Variants in ERCC2 observed in about 807,000 individuals in gnomAD.
The protein encoded by ERCC2 is general transcription and DNA repair factor IIH helicase subunit XPD.
ERCC2 carries 90 observed loss-of-function variants against 99.4 expected under a neutral mutation model. The observed-to-expected ratio is 0.91, with a 90% CI of 0.76 to 1.08. The LOEUF is 1.08. ERCC2 is among the 50% of genes least tolerant of loss of function. The probability of loss-of-function intolerance (pLI) is 0.00; values close to 1 mark genes in which losing one functional copy is unlikely to be tolerated. For synonymous variants in ERCC2, 497 were observed against 432.4 expected (o/e 1.15, Z -1.85); for missense variants, 993 against 1,038.1 (o/e 0.96, Z 0.60).
intron 12 of ERCC2, among the ~76,000 whole-genome samples, chr19:45,360,373 C>G (rs1276675260): frequency 8.2e-6 from 1 of 122,686 alleles, no homozygotes; most frequent in Non-Finnish European, 1.6e-5. Context: ...TAAACCACCA[C>G]GCCCGGCCTT....
At position 45,363,924 on chromosome 19, in the gene ERCC2, G is replaced by T. The variant is rs886054498; in HGVS notation, c.950-13C>A. 1 of 1,539,198 alleles carries T rather than the reference G, an allele frequency of 6.5e-7. No homozygotes were observed. Reference sequence around the variant, plus strand: ...CCAGGCACTGCCTCTGCGAGGAGACGCTATCAGCGGCGACGGGGAGGCGGG... The same window carrying T: ...CCAGGCACTGCCTCTGCGAGGAGACTCTATCAGCGGCGACGGGGAGGCGGG... On this transcript the variant is annotated splice_polypyrimidine_tract_variant and intron_variant, in intron 10 of 22. Coordinates refer to ENST00000391945, the MANE Select transcript of ERCC2 (RefSeq NM_000400.4).
intron 15 of ERCC2, 105 bp from the exon 16 acceptor site, chr19:45,355,833 T>TA (rs1971994352): frequency 1.1e-5 from 8 of 695,878 alleles, no homozygotes; most frequent in South Asian, 6.4e-5. Flanking sequence ...TTTTTTTTTT[T>TA]AAAGAGAGAC....
chr19:45,358,768 A>G, intron 12 of ERCC2: 1 of 765,538 alleles, frequency 1.3e-6, no homozygotes, highest in Non-Finnish European at 2.4e-6. Context: ...ATTTTTTTTC[A>G]TGATAACTGT....
intron 5 of ERCC2, 52 bp downstream of exon 5, chr19:45,368,578 A>G: frequency 8.0e-7 from 1 of 1,246,112 alleles, no homozygotes; most frequent in African/African-American, 1.5e-5. Flanking sequence ...GTTGGACGAA[A>G]GAGTTTTCTC....
intron 17 of ERCC2, 50 bp from the exon 18 acceptor site, chr19:45,353,384 T>C: frequency 7.7e-7 from 1 of 1,300,238 alleles, no homozygotes; most frequent in South Asian, 1.2e-5. Context: ...ACAGCCATCC[T>C]GGTTACATCC....
chr19:45,357,249 G>C, intron 15 of ERCC2, 21 bp downstream of exon 15: 1 of 1,588,230 alleles, frequency 6.3e-7, no homozygotes, highest in South Asian at 1.1e-5. Flanking sequence ...CCCGGCCCCA[G>C]CCCTAGCCTC....
rs985262922 is a variant in ERCC2, at chr19:45,353,439, C to G, written c.1666-105G>C. The stretch of plus-strand genomic sequence containing the variant: ...ACATCACCATGTCTCTGGGCCTCAG[C>G]TGGCTCATCTGAGATGTGGTGAGGG... On this transcript the variant is annotated intron_variant, in intron 17 of 22. Transcript: ENST00000391945. 30 of 761,754 alleles carry G rather than the reference C, an allele frequency of 3.9e-5. No individual in the cohort carries two copies. In the Admixed American group the frequency reaches 5.0e-4, roughly 13 times the overall value. The allele number at this position is 761,754 out of a possible 1,614,324, so 47.2% of individuals were successfully genotyped here.
chr19:45,357,857 C>A, intron 12 of ERCC2, 158 bp from the exon 13 acceptor site: 1 of 713,634 alleles, frequency 1.4e-6, no homozygotes. Context: ...AGCCCCAAAC[C>A]AGGCATCTGA....
At chr19:45,361,098 TCC>T in intron 12 of ERCC2, among the ~76,000 whole-genome samples, 1 of 146,174 alleles carries the variant, frequency 6.8e-6, no homozygotes, top group Admixed American at 7.0e-5. Context: ...ACCACTGCAC[TCC>T]AGCCTGGCAA....
Position 45,351,459 on chromosome 19 carries a change from T to C in ERCC2, c.*170A>G. The C allele has an allele frequency of 6.3e-7, 1 of 1,582,746 alleles. No individual in the cohort carries two copies. On this transcript the variant is annotated 3_prime_UTR_variant, in exon 23 of 23. Transcript: ENST00000391945. The stretch of plus-strand genomic sequence containing the variant: ...TATCATCTCCTGGCCCCCCCTTGCC[T>C]CTGGGTACCTGGTGGATAGCTGCCT...
At chr19:45,352,969 CTG>C (rs1265054527) in intron 19 of ERCC2, 112 bp downstream of exon 19, 5 of 1,277,706 alleles carry the variant, frequency 3.9e-6, no homozygotes, top group Admixed American at 1.7e-5. Context: ...GAGGGCCCCT[CTG>C]TGCACCTAGG....
rs768954113 is a variant in ERCC2, at chr19:45,364,425, A to T, written c.717T>A (p.Ile239=). ...AVVVFDEAHN[I]DNVCIDSMSV... Reference sequence around the variant, plus strand: ...TTTGGCCCCTGGCGCCCCCCTCACCAATGTTGTGGGCCTCGTCGAAGACCA... The same window carrying T: ...TTTGGCCCCTGGCGCCCCCCTCACCTATGTTGTGGGCCTCGTCGAAGACCA... Residue 239 remains isoleucine, a splice_region_variant and synonymous_variant, in exon 8 of 23, where the codon ATT becomes ATA. Transcript: ENST00000391945. 1.2e-5 allele frequency: 20 copies of T among 1,613,774 alleles called. No homozygotes were observed. In the Admixed American group the frequency reaches 3.2e-4, roughly 26 times the overall value.
At chr19:45,370,340 G>C in intron 1 of ERCC2, 108 bp from the exon 2 acceptor site, 1 of 1,540,298 alleles carries the variant, frequency 6.5e-7, no homozygotes, top group Non-Finnish European at 8.8e-7. Context: ...GGCGCCCCCG[G>C]TAACCCTCAG....
rs1207437927 is a variant in ERCC2, at chr19:45,350,214, G to A, written c.*1415C>T. 3 of 684,474 alleles carry A rather than the reference G, an allele frequency of 4.4e-6. No homozygotes were observed. The highest frequency in any genetic ancestry group is 7.4e-6 in the Non-Finnish European group (3 of 406,058). The allele number at this position is 684,474 out of a possible 1,614,324, so 42.4% of individuals were successfully genotyped here. ...AGGCAGGAGGATCACTTGAGGCTAG[G>A]AGTTCAAGACCAGCCTGGGCAACAT... On this transcript the variant is annotated 3_prime_UTR_variant, in exon 23 of 23. Coordinates refer to ENST00000391945, the MANE Select transcript of ERCC2 (RefSeq NM_000400.4).
chr19:45,355,396 G>A (rs532763718), intron 16 of ERCC2, among the ~76,000 whole-genome samples: 16 of 152,198 alleles, frequency 1.1e-4, no homozygotes, highest in Non-Finnish European at 2.2e-4. Flanking sequence ...AGCACCCTTA[G>A]GAACCAGTGC....
intron 5 of ERCC2, among the ~76,000 whole-genome samples, chr19:45,365,763 C>T (rs1216598571): frequency 6.7e-6 from 1 of 148,864 alleles, no homozygotes; most frequent in Non-Finnish European, 1.5e-5. Context: ...TGTACTCCAC[C>T]CTGGGCCACG....
chr19:45,354,525 C>T (rs1007628976), intron 17 of ERCC2, among the ~76,000 whole-genome samples: 1 of 152,162 alleles, frequency 6.6e-6, no homozygotes, highest in Non-Finnish European at 1.5e-5. Flanking sequence ...CACATTGGGG[C>T]TTATATCTGC....
rs1381232553 is a variant in ERCC2, at chr19:45,361,942, T to C, written c.1119-300A>G. 4 of 383,386 alleles carry C rather than the reference T, an allele frequency of 1.0e-5. No individual in the cohort carries two copies. In the East Asian group the frequency reaches 2.2e-4, roughly 21 times the overall value. The allele number at this position is 383,386 out of a possible 1,614,324, so 23.7% of individuals were successfully genotyped here. A position where few individuals can be genotyped will look rare whatever the true frequency, so the allele number is the denominator to read the frequency against. On this transcript the variant is annotated intron_variant, in intron 11 of 22. Coordinates refer to ENST00000391945, the MANE Select transcript of ERCC2 (RefSeq NM_000400.4). ...AGTGGGTTCTTTTTTTCTTTTTCTT[T>C]TTTTTCTTTGTTCAGATGGAGTCTT... is the stretch of plus-strand genomic sequence containing the variant.
chr19:45,353,257 C>T lies in ERCC2; in HGVS notation c.1743G>A (p.Leu581=), dbSNP rs758401644. The T allele has an allele frequency of 1.7e-5, 28 of 1,613,828 alleles. No homozygotes were observed. The highest frequency in any genetic ancestry group is 1.4e-4 in the South Asian group (13 of 91,064). ...GCACACCCACCTCCTGGTACTTCTC[C>T]AGGGCGACACTGGTTTCGGCACCAT... ...TQDGAETSVA[L]EKYQEACENG... The change falls in exon 18 of 23, where the codon CTG becomes CTA. Residue 581 remains leucine (L), a synonymous_variant. Transcript: ENST00000391945.
Sources: allele counts gnomAD v4.1 joint callset (sites outside exome capture counted in the v4.1 genomes callset), GRCh38; gene constraint gnomAD v4.1.1; transcripts MANE v1.5; gene names NCBI Gene and HGNC (gene_info 2026-07-23, HGNC 2026-07-21).